The following DYTN variants were observed in gnomAD, a reference collection of about 807,000 sequenced individuals.
The protein encoded by DYTN is dystrotelin.
Under a neutral mutation model 69.6 loss-of-function variants are expected in DYTN, and 75 were observed. The observed-to-expected ratio is 1.08, with a 90% confidence interval of 0.89 to 1.31. DYTN has a LOEUF of 1.31. Among genes scored for constraint, DYTN ranks in the 50% most tolerant of loss-of-function variants. DYTN has a pLI of 0.00. For synonymous variants in DYTN, 252 were observed against 249.1 expected, an observed-to-expected ratio of 1.01 and a Z score of -0.11; for missense variants, 726 against 688.4, an observed-to-expected ratio of 1.05 and a Z score of -0.61.
chr2:206,662,161 G>A (rs1346596559), intron 11 of DYTN, among the ~76,000 whole-genome samples: 1 of 152,168 alleles, frequency 6.6e-6, no homozygotes, highest in East Asian at 1.9e-4. Flanking sequence ...CTTTGTGTTT[G>A]ATGATTTTGC....
chr2:206,664,063 A>G (rs1179137378), intron 10 of DYTN, among the ~76,000 whole-genome samples: 1 of 149,942 alleles, frequency 6.7e-6, no homozygotes, highest in African/African-American at 2.4e-5. Context: ...ACCCTCATAC[A>G]CTAGCAGTGG....
At chr2:206,717,625 T>C (rs4142019) in intron 1 of DYTN, among the ~76,000 whole-genome samples, 13 of 152,152 alleles carry the variant, frequency 8.5e-5, no homozygotes, top group African/African-American at 3.1e-4. Flanking sequence ...AAAGGTATTG[T>C]AATCATTTAT....
In DYTN at chr2:206,693,186, A is replaced by G. The variant is rs370297106; in HGVS notation, c.969T>C (p.His323=). 2 of 1,611,362 alleles carry G rather than the reference A, an allele frequency of 1.2e-6. No individual in the cohort carries two copies. Among genetic ancestry groups the G allele is most frequent in the South Asian group, 2.2e-5 (2 of 90,866 alleles). Residue 323 remains histidine (H), a synonymous_variant, in exon 9 of 12, where the codon CAT becomes CAC. Coordinates refer to ENST00000452335, the MANE Select transcript of DYTN (RefSeq NM_001093730.1). ...TCGCAGCCACTCACCTGGCCTGCGCATGGTGAGGCACACCCTTTGGATTCA... is the reference window on the plus strand; with the variant it reads ...TCGCAGCCACTCACCTGGCCTGCGCGTGGTGAGGCACACCCTTTGGATTCA... ...DQVNPKGVPH[H]AQARLLKKQL...
chr2:206,690,357 A>G (rs1017330942), intron 9 of DYTN, among the ~76,000 whole-genome samples: 2 of 152,162 alleles, frequency 1.3e-5, no homozygotes, highest in Non-Finnish European at 2.9e-5. Context: ...GCTGGTGGGG[A>G]ACAGGGTTTA....
At chr2:206,656,598 CG>C (rs1559303217) in intron 11 of DYTN, among the ~76,000 whole-genome samples, 2 of 151,924 alleles carry the variant, frequency 1.3e-5, no homozygotes, top group African/African-American at 4.8e-5. Flanking sequence ...AATATTATTT[CG>C]TTTTTTTCTT....
intron 9 of DYTN, among the ~76,000 whole-genome samples, chr2:206,667,200 G>A (rs773683515): frequency 7.2e-5 from 11 of 152,036 alleles, no homozygotes; most frequent in South Asian, 2.1e-4. Flanking sequence ...CCACAAAGAC[G>A]GCACAGACCC....
intron 5 of DYTN, among the ~76,000 whole-genome samples, chr2:206,703,347 T>C (rs1268468092): frequency 6.6e-6 from 1 of 152,156 alleles, no homozygotes; most frequent in African/African-American, 2.4e-5. Context: ...GGCCCCCACC[T>C]GCTCGAGTCT....
At chr2:206,704,467 A>G (rs770790292) in intron 5 of DYTN, among the ~76,000 whole-genome samples, 6 of 152,218 alleles carry the variant, frequency 3.9e-5, no homozygotes, top group Non-Finnish European at 8.8e-5. Flanking sequence ...TAAGCAAAAG[A>G]GACTATTGGA....
intron 5 of DYTN, 104 bp from the exon 6 acceptor site, chr2:206,700,320 T>C: frequency 4.0e-6 from 5 of 1,257,346 alleles, no homozygotes; most frequent in South Asian, 3.7e-5. Context: ...TAGTCACAAG[T>C]ATTTGGTATC....
At position 206,704,962 on chromosome 2, in the gene DYTN, C is replaced by A. The variant is rs1700011322; in HGVS notation, c.383-19G>T. On this transcript the variant is annotated intron_variant, in intron 4 of 11. Transcript: ENST00000452335. Reference sequence around the variant, plus strand: ...AAAAGAGCTAGACATGTAGGAGGAACAATCTTTAAATTGAATACTTGCAAT... The same window carrying A: ...AAAAGAGCTAGACATGTAGGAGGAAAAATCTTTAAATTGAATACTTGCAAT... 2.5e-6 allele frequency: 4 copies of A among 1,596,674 alleles called. No individual in the cohort carries two copies. Among genetic ancestry groups the A allele is most frequent in the Non-Finnish European group, 1.7e-6 (2 of 1,165,916 alleles).
At chr2:206,711,552 C>CTT (rs150580072) in intron 1 of DYTN, among the ~76,000 whole-genome samples, 3 of 151,434 alleles carry the variant, frequency 2.0e-5, no homozygotes, top group Non-Finnish European at 4.4e-5. Context: ...TCTTACCTTT[C>CTT]TTTTTTTTGT....
chr2:206,666,084 T>C, intron 9 of DYTN, 55 bp from the exon 10 acceptor site: 3 of 1,583,340 alleles, frequency 1.9e-6, no homozygotes, highest in Admixed American at 1.8e-5. Flanking sequence ...AGTACACTAA[T>C]TAGAGCCCTG....
chr2:206,697,586 T>C (rs1699932778), intron 7 of DYTN, among the ~76,000 whole-genome samples: 1 of 152,218 alleles, frequency 6.6e-6, no homozygotes, highest in Admixed American at 6.5e-5. Flanking sequence ...AATAGAATCC[T>C]AAGTTTAGAG....
rs781733180 is a variant in DYTN, at chr2:206,694,827, A to T, written c.770T>A (p.Leu257Ter). Residue 257 changes from leucine to a stop codon, truncating the protein, a stop_gained, in exon 8 of 12, where the codon TTA (leucine) becomes TAA (stop). Transcript: ENST00000452335. LOFTEE classifies it high-confidence loss of function. ...ATGGGACTTGCTGTGAAGACCAGAT[A>T]AGAAACACATCTGGCAGATGTCAAA... is the stretch of plus-strand genomic sequence containing the variant. ...LNFDICQMCFLSGLHSKSHQK... is the reference protein window; with the variant it reads ...LNFDICQMCF 1.9e-6 allele frequency: 3 copies of T among 1,611,868 alleles called. No homozygotes were observed. In the East Asian group the frequency reaches 6.7e-5, roughly 36 times the overall value.
intron 9 of DYTN, among the ~76,000 whole-genome samples, chr2:206,671,356 T>A (rs1699627967): frequency 6.6e-6 from 1 of 152,214 alleles, no homozygotes; most frequent in Non-Finnish European, 1.5e-5. Context: ...GAAACTGAAC[T>A]ATATACAGAC....
At chr2:206,716,792 T>G (rs1700134489) in intron 1 of DYTN, among the ~76,000 whole-genome samples, 1 of 152,052 alleles carries the variant, frequency 6.6e-6, no homozygotes, top group Non-Finnish European at 1.5e-5. Context: ...ATACACAGAA[T>G]CAGCAGACAA....
At chr2:206,672,351 C>T (rs560843566) in intron 9 of DYTN, among the ~76,000 whole-genome samples, 18 of 152,114 alleles carry the variant, frequency 1.2e-4, no homozygotes, top group Admixed American at 5.9e-4. Context: ...CTTAAATTTC[C>T]TCCCTCAGAA....
At chr2:206,697,421 T>A (rs753593066) in intron 7 of DYTN, among the ~76,000 whole-genome samples, 5 of 152,194 alleles carry the variant, frequency 3.3e-5, no homozygotes, top group Non-Finnish European at 7.3e-5. Flanking sequence ...GAAGGCCAAA[T>A]CTTTGTCCTC....
Position 206,651,708 on chromosome 2 carries a change from T to C in DYTN, c.*110A>G, listed in dbSNP as rs1468786005. 1 of 983,194 alleles carries C rather than the reference T, an allele frequency of 1.0e-6. No individual in the cohort carries two copies. The highest frequency in any genetic ancestry group is 1.6e-5 in the African/African-American group (1 of 60,946). 60.9% of individuals were successfully genotyped at this position (983,194 alleles called of 1,614,324 possible). On this transcript the variant is annotated 3_prime_UTR_variant, in exon 12 of 12. Transcript: ENST00000452335. ...CAAAAAACAAAACCTGTTTTCTTCA[T>C]AGTTCACACTAAACTATTAAAAGAA...
Sources: gnomAD v4.1 joint callset for allele counts (sites outside exome capture counted in the v4.1 genomes callset) on GRCh38, gnomAD v4.1.1 for gene constraint, MANE v1.5 for transcripts, NCBI Gene and HGNC (gene_info 2026-07-23, HGNC 2026-07-21) for gene names.